Variants in NAALADL2 observed in about 807,000 individuals in gnomAD.
NAALADL2 encodes the protein inactive N-acetylated-alpha-linked acidic dipeptidase-like protein 2.
NAALADL2 carries 76 observed loss-of-function variants against 87.2 expected under a neutral mutation model. That is an observed-to-expected ratio of 0.87 (90% CI 0.72 to 1.05). NAALADL2 has a LOEUF of 1.05. Ranked by LOEUF, NAALADL2 falls within the 50% of genes least tolerant of loss-of-function variation. The pLI, the probability that NAALADL2 is intolerant of heterozygous loss-of-function variation, is 0.00. For synonymous variants in NAALADL2, 354 were observed against 331.0 expected (o/e 1.07, Z -0.75); for missense variants, 1,089 against 945.8 (o/e 1.15, Z -1.99).
At chr3:175,245,420 C>T (rs763255701) in intron 3 of NAALADL2, among the ~76,000 whole-genome samples, 10 of 152,112 alleles carry the variant, frequency 6.6e-5, no homozygotes, top group African/African-American at 2.4e-4. Context: ...CCTGACAAAA[C>T]GGTTTTGCTT....
At chr3:175,427,864 C>T (rs190599084) in intron 5 of NAALADL2, among the ~76,000 whole-genome samples, 1 of 152,218 alleles carries the variant, frequency 6.6e-6, no homozygotes, top group African/African-American at 2.4e-5. Context: ...TGGAATCATA[C>T]CCTTGTAACA....
chr3:175,417,243 CTAAT>C (rs1309925123), intron 5 of NAALADL2, among the ~76,000 whole-genome samples: 1 of 151,470 alleles, frequency 6.6e-6, no homozygotes, highest in Non-Finnish European at 1.5e-5. Context: ...TGCATCTACT[CTAAT>C]TAATTACTCA....
At chr3:175,068,693 A>G (rs187012069) in intron 1 of NAALADL2, among the ~76,000 whole-genome samples, 5 of 152,282 alleles carry the variant, frequency 3.3e-5, no homozygotes, top group African/African-American at 7.2e-5. Context: ...GAAAATGAAA[A>G]TGAAAGCTTT....
At chr3:174,712,387 T>C (rs999124093) in intron 2 of NAALADL2, among the ~76,000 whole-genome samples, 9 of 129,622 alleles carry the variant, frequency 6.9e-5, no homozygotes, top group Admixed American at 3.1e-4. Context: ...CTTCTTTTTT[T>C]TTTTTTTTTT....
chr3:174,909,008 G>GA lies in NAALADL2; in HGVS notation c.43+49571dup, dbSNP rs112001916. 4.2e-3 allele frequency among the ~76,000 whole-genome samples: 590 copies of GA among 139,466 alleles called. 3 individuals are homozygous for GA. Among genetic ancestry groups the GA allele is most frequent in the Middle Eastern group, 7.5e-3 (2 of 268 alleles). The allele number at this position is 139,466 out of a possible 152,430, so 91.5% of individuals were successfully genotyped here. ...GCATGTCCTTAGTTTATCATACTCA[G>GA]AAAAAAAAAAAAAGATCTCCTTAGT... On this transcript the variant is annotated intron_variant, in intron 1 of 13. Transcript: ENST00000454872.
chr3:175,737,630 T>C (rs994559389), intron 12 of NAALADL2, among the ~76,000 whole-genome samples: 1 of 151,428 alleles, frequency 6.6e-6, no homozygotes, highest in Admixed American at 6.6e-5. Context: ...GGATGGCCCA[T>C]CTATTTTATC....
intron 1 of NAALADL2, among the ~76,000 whole-genome samples, chr3:174,549,723 A>G (rs896564497): frequency 1.3e-5 from 2 of 152,272 alleles, no homozygotes; most frequent in Non-Finnish European, 2.9e-5. Flanking sequence ...TTAAAAACCG[A>G]AATGTCATTG....
intron 8 of NAALADL2, among the ~76,000 whole-genome samples, chr3:175,470,500 AAAAAAT>A (rs966002435): frequency 6.6e-6 from 1 of 152,176 alleles, no homozygotes; most frequent in African/African-American, 2.4e-5. Flanking sequence ...TTTACAATGA[AAAAAAT>A]AAAAATAAAA....
chr3:175,549,005 T>C (rs538718807), intron 9 of NAALADL2, among the ~76,000 whole-genome samples: 1 of 152,192 alleles, frequency 6.6e-6, no homozygotes, highest in African/African-American at 2.4e-5. Flanking sequence ...GGTTTCTAGA[T>C]ATCTGGATTG....
intron 3 of NAALADL2, among the ~76,000 whole-genome samples, chr3:174,835,624 G>T (rs552865973): frequency 6.6e-6 from 1 of 152,090 alleles, no homozygotes; most frequent in Non-Finnish European, 1.5e-5. Flanking sequence ...TTAATATCTA[G>T]AATATATAAA....
At chr3:175,175,617 T>G (rs1479940715) in intron 2 of NAALADL2, among the ~76,000 whole-genome samples, 2 of 152,130 alleles carry the variant, frequency 1.3e-5, no homozygotes, top group Admixed American at 6.6e-5. Context: ...ATGTACACAC[T>G]GACCTTCTTG....
intron 1 of NAALADL2, among the ~76,000 whole-genome samples, chr3:174,937,230 T>C (rs553460736): frequency 6.6e-6 from 1 of 152,166 alleles, no homozygotes; most frequent in African/African-American, 2.4e-5. Context: ...ACTCATTGAG[T>C]AGCATTGCTC....
Position 175,118,605 on chromosome 3 carries a change from G to A in NAALADL2, c.545+21314G>A, listed in dbSNP as rs190253740. On this transcript the variant is annotated intron_variant, in intron 2 of 13. Coordinates refer to ENST00000454872, the MANE Select transcript of NAALADL2 (RefSeq NM_207015.3). ...ACACAAGAGAACAATAACTTATTTG[G>A]TTGTCTCTTTTATTCAATACTCTAT... Among the ~76,000 whole-genome samples the A allele has an allele frequency of 6.8e-3, 1,038 of 151,714 alleles. 9 individuals carry two copies. The highest frequency in any genetic ancestry group is 0.022 in the African/African-American group (902 of 41,426).
chr3:175,034,217 C>G (rs1039565226), intron 1 of NAALADL2, among the ~76,000 whole-genome samples: 2 of 152,072 alleles, frequency 1.3e-5, no homozygotes, highest in Admixed American at 6.6e-5. Context: ...AAAGGATGAC[C>G]TCATTTATGT....
rs937733949 is a variant in NAALADL2, at chr3:175,365,541, T to C, written c.1090+41216T>C. ...CATTATGACCCATTGTATACTTTGA[T>C]AAATTTATGTAAAATTAGATTTTGT... On this transcript the variant is annotated intron_variant, in intron 5 of 13. Transcript: ENST00000454872. 4.1e-5 allele frequency among the ~76,000 whole-genome samples: 6 copies of C among 147,730 alleles called. 1 individual carries two copies. In the Admixed American group the frequency reaches 4.2e-4, roughly 10 times the overall value.
intron 11 of NAALADL2, among the ~76,000 whole-genome samples, chr3:175,674,168 A>C (rs949328153): frequency 4.0e-5 from 6 of 151,646 alleles, no homozygotes; most frequent in South Asian, 4.1e-4. Context: ...AATTTCTAGT[A>C]TTTATTTTTT....
intron 1 of NAALADL2, among the ~76,000 whole-genome samples, chr3:174,954,858 A>G (rs1484186502): frequency 6.6e-6 from 1 of 152,090 alleles, no homozygotes; most frequent in Non-Finnish European, 1.5e-5. Flanking sequence ...CATACATGTA[A>G]TTAAAGCTTC....
At chr3:175,098,999 T>C (rs1721662945) in intron 2 of NAALADL2, among the ~76,000 whole-genome samples, 1 of 152,062 alleles carries the variant, frequency 6.6e-6, no homozygotes, top group Non-Finnish European at 1.5e-5. Context: ...AGTAAGTTTA[T>C]AGTCAAATTT....
chr3:174,884,230 C>T (rs1579350183), intron 1 of NAALADL2, among the ~76,000 whole-genome samples: 1 of 152,114 alleles, frequency 6.6e-6, no homozygotes, highest in Non-Finnish European at 1.5e-5. Context: ...ACTGCCACTC[C>T]TTGATTCTTG....
Sources: gnomAD v4.1 joint callset for allele counts (sites outside exome capture counted in the v4.1 genomes callset) on GRCh38, gnomAD v4.1.1 for gene constraint, MANE v1.5 for transcripts, NCBI Gene and HGNC (gene_info 2026-07-23, HGNC 2026-07-21) for gene names.